The following CHD7 variants were observed in gnomAD, a reference collection of about 807,000 sequenced individuals.
The protein encoded by CHD7 is chromodomain helicase DNA binding protein 7, also known as ATP-dependent chromatin remodeler CHD7.
A neutral mutation model predicts 307.3 loss-of-function variants in CHD7; 24 were observed. The observed-to-expected ratio is 0.08, with a 90% CI of 0.06 to 0.11. The LOEUF is 0.11. CHD7 is among the 10% of genes least tolerant of loss of function. CHD7 has a pLI of 1.00. For synonymous variants in CHD7, 1,363 were observed against 1,349.9 expected, an observed-to-expected ratio of 1.01 and a Z score of -0.21; for missense variants, 3,106 against 3,727.1, an observed-to-expected ratio of 0.83 and a Z score of 4.34.
chr8:60,795,139 A>G lies in CHD7; in HGVS notation c.2238+12A>G, dbSNP rs752854030. ...ACCCAGGTGTTCAGGTAATACAATTATTGTGATTCCCGAGCCTTGGTTATT... is the reference window on the plus strand; with the variant it reads ...ACCCAGGTGTTCAGGTAATACAATTGTTGTGATTCCCGAGCCTTGGTTATT... On this transcript the variant is annotated intron_variant, in intron 4 of 37. Transcript: ENST00000423902. 1.6e-4 allele frequency: 265 copies of G among 1,608,592 alleles called. 1 individual carries two copies. The Middle Eastern group carries it at 1.8e-3, about 11-fold the overall frequency.
intron 2 of CHD7, among the ~76,000 whole-genome samples, chr8:60,766,357 C>A (rs1278264912): frequency 6.6e-6 from 1 of 152,180 alleles, no homozygotes; most frequent in Non-Finnish European, 1.5e-5. Flanking sequence ...CCTTGCAGGC[C>A]ATGGTGAGGT....
intron 1 of CHD7, among the ~76,000 whole-genome samples, chr8:60,680,093 C>G (rs1006589842): frequency 3.3e-5 from 5 of 151,400 alleles, no homozygotes; most frequent in Admixed American, 6.6e-5. Flanking sequence ...CAACGCAACT[C>G]GGCTCCCCCG....
intron 1 of CHD7, among the ~76,000 whole-genome samples, chr8:60,720,811 T>C (rs1466740863): frequency 6.6e-6 from 1 of 152,178 alleles, no homozygotes; most frequent in Non-Finnish European, 1.5e-5. Flanking sequence ...AATGAACGAG[T>C]GCATCTGAAG....
intron 2 of CHD7, among the ~76,000 whole-genome samples, chr8:60,750,134 C>A (rs1046373531): frequency 6.6e-6 from 1 of 152,130 alleles, no homozygotes; most frequent in South Asian, 2.1e-4. Context: ...TATGTGACAT[C>A]AAAAATTTTG....
chr8:60,727,721 C>T (rs1369954178), intron 1 of CHD7, among the ~76,000 whole-genome samples: 1 of 152,198 alleles, frequency 6.6e-6, no homozygotes, highest in Non-Finnish European at 1.5e-5. Context: ...TGTCTTCCTT[C>T]TGTTTGTCAA....
At chr8:60,826,723 C>A (rs1476086067) in intron 13 of CHD7, among the ~76,000 whole-genome samples, 1 of 152,232 alleles carries the variant, frequency 6.6e-6, no homozygotes, top group African/African-American at 2.4e-5. Context: ...TCCACAGGAG[C>A]TCTGGGAAAG....
intron 3 of CHD7, among the ~76,000 whole-genome samples, chr8:60,789,123 C>T (rs925191776): frequency 6.6e-6 from 1 of 152,200 alleles, no homozygotes; most frequent in Non-Finnish European, 1.5e-5. Flanking sequence ...TAGACACTCT[C>T]CTCTGCCAGT....
chr8:60,838,343 G>A (rs894794510), intron 19 of CHD7, 88 bp downstream of exon 19: 9 of 1,178,844 alleles, frequency 7.6e-6, no homozygotes, highest in African/African-American at 1.5e-5. Context: ...CTTACAAGAT[G>A]CATTGGGAAT....
At chr8:60,716,332 A>G (rs191463143) in intron 1 of CHD7, among the ~76,000 whole-genome samples, 5 of 152,290 alleles carry the variant, frequency 3.3e-5, no homozygotes, top group Admixed American at 3.3e-4. Context: ...TTCGTGATTC[A>G]TCCTCTTGAG....
At chr8:60,760,457 C>G (rs528863965) in intron 2 of CHD7, among the ~76,000 whole-genome samples, 1 of 145,512 alleles carries the variant, frequency 6.9e-6, no homozygotes, top group African/African-American at 2.6e-5. Flanking sequence ...TCTAAAACAC[C>G]AAAAGCAATG....
intron 13 of CHD7, among the ~76,000 whole-genome samples, chr8:60,827,852 G>A (rs1804324653): frequency 6.6e-6 from 1 of 151,926 alleles, no homozygotes; most frequent in South Asian, 2.1e-4. Context: ...CTACTGGGAT[G>A]TATAATTACT....
intron 1 of CHD7, among the ~76,000 whole-genome samples, chr8:60,723,347 T>A (rs1396924225): frequency 6.6e-6 from 1 of 152,120 alleles, no homozygotes. Context: ...AACCGTAGTT[T>A]TTCAGTTGTT....
intron 1 of CHD7, among the ~76,000 whole-genome samples, chr8:60,700,833 C>G (rs574751707): frequency 3.3e-5 from 5 of 152,326 alleles, no homozygotes; most frequent in African/African-American, 1.2e-4. Context: ...GACACACACA[C>G]TGTAAGTGCA....
At chr8:60,780,590 A>G (rs1331259218) in intron 2 of CHD7, among the ~76,000 whole-genome samples, 1 of 152,238 alleles carries the variant, frequency 6.6e-6, no homozygotes, top group Non-Finnish European at 1.5e-5. Flanking sequence ...AAATGGCTAA[A>G]TTATATACCT....
At position 60,830,310 on chromosome 8, in the gene CHD7, G is replaced by A. The variant is rs373865383; in HGVS notation, c.3523-12G>A. On this transcript the variant is annotated splice_polypyrimidine_tract_variant and intron_variant, in intron 14 of 37. Coordinates refer to ENST00000423902, the MANE Select transcript of CHD7 (RefSeq NM_017780.4). ...ATCATGACACTAGTATTTACTTAAG[G>A]TCCTTTTTTAGGTGCAAAAACTTCA... 7.5e-6 allele frequency: 12 copies of A among 1,607,138 alleles called. No homozygotes were observed. In the African/African-American group the frequency reaches 1.6e-4, roughly 22 times the overall value.
chr8:60,711,615 G>C (rs1223261717), intron 1 of CHD7, among the ~76,000 whole-genome samples: 2 of 152,234 alleles, frequency 1.3e-5, no homozygotes, highest in Non-Finnish European at 2.9e-5. Context: ...TTGTGGGGCA[G>C]CTCCAACAAC....
chr8:60,800,035 C>CT (rs879277376), intron 4 of CHD7, among the ~76,000 whole-genome samples: 125 of 144,712 alleles, frequency 8.6e-4, no homozygotes, highest in Middle Eastern at 7.2e-3. Flanking sequence ...GAACATTTTT[C>CT]TTTTTTTTTT....
intron 34 of CHD7, among the ~76,000 whole-genome samples, chr8:60,858,280 A>G (rs1443144479): frequency 6.6e-6 from 1 of 152,198 alleles, no homozygotes; most frequent in East Asian, 1.9e-4. Flanking sequence ...AATTTTTTTC[A>G]AAATTGATTA....
chr8:60,809,692 A>C (rs1411080748), intron 7 of CHD7: 1 of 150,150 alleles, frequency 6.7e-6, no homozygotes, highest in African/African-American at 2.5e-5. Flanking sequence ...AAAAAAAAAA[A>C]AAGAAAAAAA....
Sources: gnomAD v4.1 joint callset for allele counts (sites outside exome capture counted in the v4.1 genomes callset) on GRCh38, gnomAD v4.1.1 for gene constraint, MANE v1.5 for transcripts, NCBI Gene and HGNC (gene_info 2026-07-23, HGNC 2026-07-21) for gene names.